Variants in IFT140 observed in about 807,000 individuals in gnomAD.
IFT140 encodes intraflagellar transport 140.
In IFT140, 133 loss-of-function variants were observed where a neutral mutation model predicts 164.6. The ratio of observed to expected loss-of-function variants is 0.81; its 90% CI spans 0.70 to 0.93. IFT140 has a LOEUF of 0.93. Ranked by LOEUF, IFT140 falls within the 40% of genes least tolerant of loss-of-function variation. The pLI is 0.00. For synonymous variants in IFT140, 860 were observed against 817.3 expected, an observed-to-expected ratio of 1.05 and a Z score of -0.89; for missense variants, 2,045 against 1,972.3, an observed-to-expected ratio of 1.04 and a Z score of -0.70.
intron 7 of IFT140, among the ~76,000 whole-genome samples, chr16:1,589,249 G>A (rs903087234): frequency 2.0e-5 from 3 of 152,236 alleles, no homozygotes; most frequent in African/African-American, 4.8e-5. Context: ...ACGGGGATAC[G>A]GTCGCCTGCC....
At chr16:1,541,693 C>G (rs1189356571) in intron 19 of IFT140, among the ~76,000 whole-genome samples, 1 of 152,130 alleles carries the variant, frequency 6.6e-6, no homozygotes, top group Non-Finnish European at 1.5e-5. Flanking sequence ...TGCAGCCAGG[C>G]CCGGCGGCTG....
chr16:1,519,859 C>T, intron 29 of IFT140, 22 bp downstream of exon 29: 3 of 1,517,572 alleles, frequency 2.0e-6, no homozygotes, highest in East Asian at 4.6e-5. Flanking sequence ...CTGGCCTGTC[C>T]CCGCTGGCCC....
chr16:1,517,061 G>A (rs773256723), intron 30 of IFT140, among the ~76,000 whole-genome samples: 1 of 152,014 alleles, frequency 6.6e-6, no homozygotes, highest in Non-Finnish European at 1.5e-5. Flanking sequence ...TTCAGAAGCA[G>A]AGGAAAAAAG....
chr16:1,601,314 G>A (rs912452127), intron 4 of IFT140, among the ~76,000 whole-genome samples: 2 of 151,546 alleles, frequency 1.3e-5, no homozygotes, highest in Admixed American at 6.6e-5. Context: ...GAAATGCAAC[G>A]TATGAGCCTT....
At chr16:1,516,586 G>A (rs1387945605) in intron 30 of IFT140, among the ~76,000 whole-genome samples, 1 of 151,814 alleles carries the variant, frequency 6.6e-6, no homozygotes. Flanking sequence ...TGGCTAACAC[G>A]GTGAAACCCT....
chr16:1,577,186 C>G (rs1026504718), intron 13 of IFT140: 3 of 152,096 alleles, frequency 2.0e-5, no homozygotes, highest in Admixed American at 2.0e-4. Flanking sequence ...CGTGGAATTG[C>G]TTGATATGGA....
chr16:1,602,812 C>T lies in IFT140; in HGVS notation c.148-221G>A, dbSNP rs2667682. On this transcript the variant is annotated intron_variant, in intron 3 of 30. Coordinates refer to ENST00000426508, the MANE Select transcript of IFT140 (RefSeq NM_014714.4). ...AAAATTAGCCAGGTGTGATGGCGGG[C>T]GTCTGTAGTCCCAGCTACTCGGGAG... 0.034 allele frequency among the ~76,000 whole-genome samples: 5,212 copies of T among 152,126 alleles called. 312 individuals carry two copies. Among genetic ancestry groups the T allele is most frequent in the African/African-American group, 0.12 (4,949 of 41,482 alleles).
chr16:1,601,809 C>A (rs534106799), intron 4 of IFT140, among the ~76,000 whole-genome samples: 3 of 152,192 alleles, frequency 2.0e-5, no homozygotes, highest in Non-Finnish European at 4.4e-5. Flanking sequence ...ATGCCTGTTA[C>A]CCTTTTTGAA....
intron 3 of IFT140, among the ~76,000 whole-genome samples, chr16:1,606,015 G>A (rs567721697): frequency 6.6e-6 from 1 of 152,318 alleles, no homozygotes; most frequent in East Asian, 1.9e-4. Flanking sequence ...CTGGAGCAGC[G>A]CATCTGCCAG....
chr16:1,523,621 A>G lies in IFT140; in HGVS notation c.3350T>C (p.Leu1117Pro), dbSNP rs749518919. Residue 1117 changes from leucine to proline, a missense_variant, in exon 26 of 31, where the codon CTG (leucine) becomes CCG (proline). Leu to Pro is a moderately conservative substitution (Grantham distance 98, BLOSUM62 -3). Coordinates refer to ENST00000426508, the MANE Select transcript of IFT140 (RefSeq NM_014714.4). ...FVALQLIAED[L>P]DETSDPALLA... is the part of the protein sequence containing the mutation. ...GAGCGCAGGGTCTGACGTCTCATCC[A>G]GGTCCTCTGCTATGAGCTGTAGGGC... 40 of 1,613,868 alleles carry G rather than the reference A, an allele frequency of 2.5e-5. No homozygotes were observed. Among genetic ancestry groups the G allele is most frequent in the Non-Finnish European group, 3.2e-5 (38 of 1,180,020 alleles).
rs1392612759 is a variant in IFT140, at chr16:1,589,640, C to T, written c.775G>A (p.Val259Met). 2 of 1,614,200 alleles carry T rather than the reference C, an allele frequency of 1.2e-6. No individual in the cohort carries two copies. The highest frequency in any genetic ancestry group is 1.7e-6 in the Non-Finnish European group (2 of 1,180,028). The change falls in exon 7 of 31, where the codon GTG (valine) becomes ATG (methionine). Residue 259 changes from valine to methionine, a missense_variant. Val to Met is a conservative substitution (Grantham distance 21). Coordinates refer to ENST00000426508, the MANE Select transcript of IFT140 (RefSeq NM_014714.4). ...TCTTCTGCTTTGCCCTCAGGAGGCA[C>T]CGTGTACAGGGACAGCCGGAGGTTC... ...TENLRLSLYTVPPEGKAEEVM... is the reference protein window; with the variant it reads ...TENLRLSLYTMPPEGKAEEVM...
intron 19 of IFT140, chr16:1,555,215 C>A: frequency 1.4e-6 from 1 of 720,136 alleles, no homozygotes; most frequent in Non-Finnish European, 2.2e-6. Context: ...CTGTACGTGT[C>A]GTGGGCCAAC....
At chr16:1,554,086 AG>A (rs1483962903) in intron 19 of IFT140, 1 of 1,287,108 alleles carries the variant, frequency 7.8e-7, no homozygotes, top group Non-Finnish European at 1.0e-6. Flanking sequence ...GCCAGGGAGG[AG>A]GGAGGGTCTA....
rs1197382345 is a variant in IFT140, at chr16:1,525,934, A to G, written c.2721T>C (p.Tyr907=). 1.9e-6 allele frequency: 3 copies of G among 1,574,526 alleles called. No homozygotes were observed. Among genetic ancestry groups the G allele is most frequent in the Non-Finnish European group, 8.6e-7 (1 of 1,161,866 alleles). The part of the protein sequence containing the change: ...RVHLRSTYHR[Y]AGHLEASADC... ...CGGCGCTGGCCTCCAGGTGCCCGGCATAGCGGTGGTAGGTGCTGCGCAGGT... is the reference window on the plus strand; with the variant it reads ...CGGCGCTGGCCTCCAGGTGCCCGGCGTAGCGGTGGTAGGTGCTGCGCAGGT... Residue 907 remains tyrosine (Y), a synonymous_variant, in exon 21 of 31, where the codon TAT becomes TAC. Transcript: ENST00000426508.
In IFT140 at chr16:1,587,276, A is replaced by G. The variant is rs763705771; in HGVS notation, c.931T>C (p.Tyr311His). The change falls in exon 9 of 31, where the codon TAT becomes CAT. Residue 311 changes from tyrosine (Y) to histidine (H), a missense_variant. By Grantham distance (83) the Tyr-to-His change is moderately conservative. Coordinates refer to ENST00000426508, the MANE Select transcript of IFT140 (RefSeq NM_014714.4). The part of the protein sequence containing the change: ...RFWDIERGEN[Y>H]ILSPDEKFGF... ...AACTTCTCATCTGGACTCAGTATAT[A>G]ATTCTCTCCTCGTTCTATGTCCCAG... 10 of 1,612,314 alleles carry G rather than the reference A, an allele frequency of 6.2e-6. No individual in the cohort carries two copies. Among genetic ancestry groups the G allele is most frequent in the Non-Finnish European group, 8.5e-6 (10 of 1,178,438 alleles).
chr16:1,523,822 C>A lies in IFT140; in HGVS notation c.3270+6G>T, dbSNP rs761236002. 21 of 1,612,334 alleles carry A rather than the reference C, an allele frequency of 1.3e-5. No individual in the cohort carries two copies. Among genetic ancestry groups the A allele is most frequent in the Non-Finnish European group, 1.8e-5 (21 of 1,179,836 alleles). Reference sequence around the variant, plus strand: ...CCCCAGGTCCCCACCGGTGGCCAGCCCTCACCTTGTGGTACAGCATGACCG... The same window carrying A: ...CCCCAGGTCCCCACCGGTGGCCAGCACTCACCTTGTGGTACAGCATGACCG... On this transcript the variant is annotated splice_donor_region_variant and intron_variant, in intron 25 of 30. Transcript: ENST00000426508.
chr16:1,581,868 T>G (rs1380856714), intron 12 of IFT140, among the ~76,000 whole-genome samples: 9 of 141,774 alleles, frequency 6.3e-5, no homozygotes, highest in African/African-American at 1.1e-4. Context: ...CTGGACAGAG[T>G]GTGAAAAATG....
chr16:1,526,849 T>C, intron 19 of IFT140, 53 bp from the exon 20 acceptor site: 1 of 1,534,872 alleles, frequency 6.5e-7, no homozygotes, highest in Non-Finnish European at 8.8e-7. Context: ...CAGGGCCCCC[T>C]GGCCCTACGG....
intron 15 of IFT140, among the ~76,000 whole-genome samples, chr16:1,566,916 G>T (rs1038774909): frequency 2.6e-5 from 4 of 152,130 alleles, no homozygotes; most frequent in Non-Finnish European, 5.9e-5. Context: ...CAGGGCCACA[G>T]TGGCCACTGT....
Sources: allele counts gnomAD v4.1 joint callset (sites outside exome capture counted in the v4.1 genomes callset), GRCh38; gene constraint gnomAD v4.1.1; transcripts MANE v1.5; gene names NCBI Gene and HGNC (gene_info 2026-07-23, HGNC 2026-07-21).